Variants in NKAIN2 observed in about 807,000 individuals in gnomAD.
NKAIN2 encodes sodium/potassium transporting ATPase interacting 2.
Under a neutral mutation model 32.6 loss-of-function variants are expected in NKAIN2, and 14 were observed. That is an observed-to-expected ratio of 0.43 (90% confidence interval 0.28 to 0.67). The LOEUF is 0.67. Ranked by LOEUF, NKAIN2 falls within the 30% of genes least tolerant of loss-of-function variation. NKAIN2 has a pLI of 0.17. For missense variants in NKAIN2, 198 were observed against 258.3 expected (o/e 0.77, Z 1.60); for synonymous variants, 80 against 87.2 (o/e 0.92, Z 0.46).
intron 3 of NKAIN2, among the ~76,000 whole-genome samples, chr6:124,508,753 A>G (rs1778593931): frequency 6.6e-6 from 1 of 152,152 alleles, no homozygotes; most frequent in Non-Finnish European, 1.5e-5. Context: ...AGGTGTTGGA[A>G]GAGCCGTATT....
At chr6:124,288,843 A>C (rs939100722) in intron 2 of NKAIN2, among the ~76,000 whole-genome samples, 6 of 152,184 alleles carry the variant, frequency 3.9e-5, no homozygotes, top group African/African-American at 1.4e-4. Flanking sequence ...GACCTAGGAA[A>C]CACCAATATA....
At chr6:123,954,544 T>C (rs1359407992) in intron 1 of NKAIN2, among the ~76,000 whole-genome samples, 1 of 152,236 alleles carries the variant, frequency 6.6e-6, no homozygotes, top group Non-Finnish European at 1.5e-5. Context: ...CAGTGTTTTC[T>C]CTTAGATGAT....
chr6:124,197,379 G>C (rs1420392487), intron 1 of NKAIN2, among the ~76,000 whole-genome samples: 4 of 151,580 alleles, frequency 2.6e-5, no homozygotes, highest in Non-Finnish European at 5.9e-5. Flanking sequence ...AATACAGTTT[G>C]TGTCCCCTTG....
chr6:123,949,659 C>A (rs1777233521), intron 1 of NKAIN2, among the ~76,000 whole-genome samples: 1 of 151,938 alleles, frequency 6.6e-6, no homozygotes, highest in South Asian at 2.1e-4. Context: ...TTGTATCCTG[C>A]AACTTTACTG....
chr6:123,817,530 G>T (rs1004939691), intron 1 of NKAIN2, among the ~76,000 whole-genome samples: 1 of 152,122 alleles, frequency 6.6e-6, no homozygotes, highest in East Asian at 1.9e-4. Context: ...CCAGACTGGA[G>T]CCTGACGGTT....
At chr6:124,630,847 T>C (rs1187030273) in intron 3 of NKAIN2, among the ~76,000 whole-genome samples, 4 of 152,154 alleles carry the variant, frequency 2.6e-5, no homozygotes, top group Non-Finnish European at 5.9e-5. Flanking sequence ...GGAAAATTAA[T>C]TACTGCATTT....
At chr6:124,010,139 C>T (rs534199459) in intron 1 of NKAIN2, among the ~76,000 whole-genome samples, 1 of 152,250 alleles carries the variant, frequency 6.6e-6, no homozygotes, top group African/African-American at 2.4e-5. Context: ...GAGAGACAGA[C>T]ATTTTCCTCT....
chr6:123,823,239 G>C (rs140966020), intron 1 of NKAIN2: 8 of 152,276 alleles, frequency 5.3e-5, no homozygotes, highest in African/African-American at 1.9e-4. Context: ...GGATACAACA[G>C]TATCTCTAAT....
chr6:124,068,953 G>C (rs1783315974), intron 1 of NKAIN2, among the ~76,000 whole-genome samples: 1 of 152,032 alleles, frequency 6.6e-6, no homozygotes, highest in South Asian at 2.1e-4. Flanking sequence ...AGAATCCTTA[G>C]CTGATTGGTC....
chr6:124,651,284 C>T (rs544397457), intron 3 of NKAIN2, among the ~76,000 whole-genome samples: 8 of 152,228 alleles, frequency 5.3e-5, no homozygotes, highest in African/African-American at 9.6e-5. Context: ...TACAGCTCTC[C>T]GGGTGGTTGT....
At chr6:124,243,390 C>A (rs1384025629) in intron 1 of NKAIN2, among the ~76,000 whole-genome samples, 1 of 151,606 alleles carries the variant, frequency 6.6e-6, no homozygotes, top group Non-Finnish European at 1.5e-5. Context: ...AGCTACTTGG[C>A]AGGCTGAGGT....
chr6:124,689,165 G>A (rs941428156), intron 4 of NKAIN2, among the ~76,000 whole-genome samples: 4 of 152,014 alleles, frequency 2.6e-5, no homozygotes, highest in African/African-American at 9.7e-5. Context: ...CTGGATTTTG[G>A]GCATTGTAAA....
chr6:124,424,982 A>G (rs151261894), intron 3 of NKAIN2, among the ~76,000 whole-genome samples: 7 of 152,118 alleles, frequency 4.6e-5, no homozygotes, highest in African/African-American at 1.7e-4. Flanking sequence ...GGAACCTCCA[A>G]ACAGTTTTCC....
chr6:124,325,634 C>A (rs1179345984), intron 2 of NKAIN2, among the ~76,000 whole-genome samples: 1 of 151,936 alleles, frequency 6.6e-6, no homozygotes, highest in Non-Finnish European at 1.5e-5. Context: ...GTGATAGAAG[C>A]CAGATACTGT....
chr6:124,710,454 C>T (rs377431795), intron 4 of NKAIN2, among the ~76,000 whole-genome samples: 102 of 151,024 alleles, frequency 6.8e-4, no homozygotes, highest in Middle Eastern at 3.5e-3. Context: ...ATTATTAATG[C>T]GTGGGAGTCT....
intron 4 of NKAIN2, among the ~76,000 whole-genome samples, chr6:124,773,120 C>A (rs1230516498): frequency 2.6e-5 from 4 of 152,162 alleles, no homozygotes; most frequent in Non-Finnish European, 4.4e-5. Context: ...CAAATAAAGT[C>A]AAGTCTGAAT....
intron 1 of NKAIN2, among the ~76,000 whole-genome samples, chr6:124,251,617 A>C (rs1047581591): frequency 6.6e-6 from 1 of 152,040 alleles, no homozygotes; most frequent in Non-Finnish European, 1.5e-5. Flanking sequence ...TTTAGAAGTA[A>C]GCAAAGTGAT....
chr6:124,793,679 CAAA>C (rs60417104), intron 5 of NKAIN2, among the ~76,000 whole-genome samples: 1 of 142,708 alleles, frequency 7.0e-6, no homozygotes, highest in African/African-American at 2.7e-5. Context: ...ACATACTGCT[CAAA>C]AAAAAAAAAA....
At chr6:124,790,943 C>T (rs1258656315) in intron 4 of NKAIN2, among the ~76,000 whole-genome samples, 3 of 152,064 alleles carry the variant, frequency 2.0e-5, no homozygotes, top group African/African-American at 2.4e-5. Flanking sequence ...GTTTTTCTGA[C>T]GGTCTGTGGG....
Sources: gnomAD v4.1 joint callset for allele counts (sites outside exome capture counted in the v4.1 genomes callset) on GRCh38, gnomAD v4.1.1 for gene constraint, MANE v1.5 for transcripts, NCBI Gene and HGNC (gene_info 2026-07-23, HGNC 2026-07-21) for gene names.